Variants in PARD3B observed in about 807,000 individuals in gnomAD.
PARD3B encodes par-3 family cell polarity regulator beta, also known as partitioning defective 3 homolog B.
A neutral mutation model predicts 130.2 loss-of-function variants in PARD3B; 103 were observed. That is an observed-to-expected ratio of 0.79 (90% CI 0.67 to 0.93). PARD3B has a LOEUF of 0.93. Among genes scored for constraint, PARD3B ranks in the 40% least tolerant of loss-of-function variants. The probability of loss-of-function intolerance (pLI) is 0.00; values close to 1 mark genes in which losing one functional copy is unlikely to be tolerated. For missense variants in PARD3B, 1,609 were observed against 1,499.2 expected, an observed-to-expected ratio of 1.07 and a Z score of -1.21; for synonymous variants, 583 against 553.2, an observed-to-expected ratio of 1.05 and a Z score of -0.76.
intron 2 of PARD3B, among the ~76,000 whole-genome samples, chr2:204,844,056 C>T (rs2125592533): frequency 6.6e-6 from 1 of 152,252 alleles, no homozygotes; most frequent in Middle Eastern, 3.4e-3. Context: ...AGAGAAACTA[C>T]TTAGTTTGTG....
chr2:205,249,362 A>G (rs773203223), intron 16 of PARD3B, among the ~76,000 whole-genome samples: 3 of 152,056 alleles, frequency 2.0e-5, no homozygotes, highest in Non-Finnish European at 2.9e-5. Context: ...ATTTTAATAA[A>G]TTCATCTGAG....
chr2:204,840,965 G>T (rs375237071), intron 2 of PARD3B, among the ~76,000 whole-genome samples: 1 of 151,966 alleles, frequency 6.6e-6, no homozygotes, highest in African/African-American at 2.4e-5. Context: ...ATCCACTAGG[G>T]GTCTGGAAAC....
rs368496621 is a variant in PARD3B, at chr2:205,121,606, C to G, written c.822C>G (p.Phe274Leu). 6.2e-7 allele frequency: 1 copy of G among 1,612,614 alleles called. No homozygotes were observed. Among genetic ancestry groups the G allele is most frequent in the Non-Finnish European group, 8.5e-7 (1 of 1,178,812 alleles). Residue 274 changes from phenylalanine to leucine, a missense_variant, in exon 8 of 23, where the codon TTC becomes TTG. Coordinates refer to ENST00000406610, the MANE Select transcript of PARD3B (RefSeq NM_001302769.2). This position sits in a 1 kb window ranked among gnomAD's most constrained non-coding sequence, Gnocchi z 5.0. The part of the protein sequence containing the change: ...DKTFAQAQDV[F>L]RQAMKSPSVL... The stretch of plus-strand genomic sequence containing the variant: ...TTCTTTCCAGGGCTCAAGATGTCTT[C>G]CGCCAGGCAATGAAATCTCCAAGTG...
chr2:204,764,393 A>T (rs780725685), intron 2 of PARD3B, among the ~76,000 whole-genome samples: 1 of 152,036 alleles, frequency 6.6e-6, no homozygotes, highest in African/African-American at 2.4e-5. Flanking sequence ...TTTCTTATCT[A>T]TGTGGCAGTG....
chr2:205,350,333 T>G (rs1439039254), intron 18 of PARD3B, among the ~76,000 whole-genome samples: 1 of 152,212 alleles, frequency 6.6e-6, no homozygotes, highest in African/African-American at 2.4e-5. Context: ...CACATCTGTG[T>G]TTGATAATGT....
At chr2:204,981,248 G>A (rs186787741) in intron 3 of PARD3B, among the ~76,000 whole-genome samples, 29 of 151,916 alleles carry the variant, frequency 1.9e-4, no homozygotes, top group Admixed American at 1.4e-3. Flanking sequence ...AGAAACGAGC[G>A]TGTATATTCA....
At chr2:204,856,266 T>A (rs2044933299) in intron 2 of PARD3B, among the ~76,000 whole-genome samples, 1 of 152,214 alleles carries the variant, frequency 6.6e-6, no homozygotes, top group South Asian at 2.1e-4. Context: ...TATCTCATTG[T>A]GGTTTTAATT....
intron 10 of PARD3B, among the ~76,000 whole-genome samples, chr2:205,140,175 C>G (rs1463280900): frequency 6.6e-6 from 1 of 152,182 alleles, no homozygotes; most frequent in Non-Finnish European, 1.5e-5. Context: ...AAAGGCCCCT[C>G]GCTGTGTTAA....
chr2:205,447,907 G>A (rs1226725913), intron 20 of PARD3B, among the ~76,000 whole-genome samples: 1 of 152,094 alleles, frequency 6.6e-6, no homozygotes, highest in Admixed American at 6.5e-5. Flanking sequence ...CTTTTACCAG[G>A]GATCTTGGGT....
intron 10 of PARD3B, among the ~76,000 whole-genome samples, chr2:205,126,795 T>C (rs1215726508): frequency 7.7e-6 from 1 of 129,938 alleles, no homozygotes. Flanking sequence ...AAATTGATAA[T>C]AGCATGAGAA....
intron 19 of PARD3B, among the ~76,000 whole-genome samples, chr2:205,416,560 T>C (rs1574966273): frequency 6.6e-6 from 1 of 152,266 alleles, no homozygotes; most frequent in East Asian, 1.9e-4. Flanking sequence ...GAAAATCTGC[T>C]AAGCCCTTGG....
rs1169808284 is a variant in PARD3B, at chr2:204,610,774, A to C, written c.120+64655A>C. ...CCCACCTCTGAGCACCCTAAGAACA[A>C]ATACATGGCCAGTGGTTCCAATCCA... On this transcript the variant is annotated intron_variant, in intron 1 of 22. Coordinates refer to ENST00000406610, the MANE Select transcript of PARD3B (RefSeq NM_001302769.2). The surrounding 1 kb of genome is among the most constrained non-coding windows in gnomAD (Gnocchi z 4.1). Among the ~76,000 whole-genome samples, 1 of 152,194 alleles carries C rather than the reference A, an allele frequency of 6.6e-6. No homozygotes were observed. The highest frequency in any genetic ancestry group is 1.5e-5 in the Non-Finnish European group (1 of 68,028).
intron 18 of PARD3B, among the ~76,000 whole-genome samples, chr2:205,387,357 G>T (rs1403166383): frequency 6.6e-6 from 1 of 152,062 alleles, no homozygotes; most frequent in Non-Finnish European, 1.5e-5. Context: ...TTAAGCTCAG[G>T]CTTTCCTTAC....
intron 2 of PARD3B, among the ~76,000 whole-genome samples, chr2:204,731,123 C>A (rs1300512738): frequency 1.3e-5 from 2 of 152,204 alleles, no homozygotes; most frequent in African/African-American, 4.8e-5. Flanking sequence ...TGATGGCAAG[C>A]TGTTCCTAGT....
chr2:204,983,401 G>T (rs1181981660), intron 3 of PARD3B, among the ~76,000 whole-genome samples: 1 of 148,826 alleles, frequency 6.7e-6, no homozygotes, highest in Non-Finnish European at 1.5e-5. Flanking sequence ...GGTGGCTGTG[G>T]GGGGAGTCGG....
chr2:204,608,439 G>A, intron 1 of PARD3B, among the ~76,000 whole-genome samples: 1 of 152,170 alleles, frequency 6.6e-6, no homozygotes, highest in East Asian at 1.9e-4. Flanking sequence ...GGAGGACACG[G>A]AATAAAGCTG....
At chr2:205,238,800 A>T (rs961280704) in intron 15 of PARD3B, among the ~76,000 whole-genome samples, 1 of 141,580 alleles carries the variant, frequency 7.1e-6, no homozygotes. Context: ...CCATTGCACT[A>T]CAGCCTGGGC....
chr2:204,711,948 A>T (rs1468422060), intron 2 of PARD3B, among the ~76,000 whole-genome samples: 1 of 152,162 alleles, frequency 6.6e-6, no homozygotes, highest in African/African-American at 2.4e-5. Context: ...TTGGGATTTA[A>T]TCCAAGGCAG....
chr2:205,100,763 G>A (rs924102221), intron 4 of PARD3B, among the ~76,000 whole-genome samples: 2 of 152,018 alleles, frequency 1.3e-5, no homozygotes, highest in Non-Finnish European at 2.9e-5. Context: ...TTCAATGAAT[G>A]ATACTAGCAC....
Sources: allele counts gnomAD v4.1 joint callset (sites outside exome capture counted in the v4.1 genomes callset), GRCh38; gene constraint gnomAD v4.1.1; non-coding constraint Gnocchi (gnomAD v3.1); transcripts MANE v1.5; gene names NCBI Gene and HGNC (gene_info 2026-07-23, HGNC 2026-07-21).